Variants in EHMT1 observed in about 807,000 individuals in gnomAD.
The protein encoded by EHMT1 is euchromatic histone lysine methyltransferase 1.
In EHMT1, 15 loss-of-function variants were observed where a neutral mutation model predicts 147.2. The observed-to-expected ratio is 0.10, with a 90% CI of 0.07 to 0.16. The LOEUF is 0.16. Among genes scored for constraint, EHMT1 ranks in the 10% least tolerant of loss-of-function variants. EHMT1 has a pLI of 1.00. For synonymous variants in EHMT1, 795 were observed against 709.6 expected (o/e 1.12, Z -1.91); for missense variants, 1,587 against 1,772.4 (o/e 0.90, Z 1.88).
chr9:137,813,140 A>ACAGGCC lies in EHMT1; in HGVS notation c.3006_3011dup (p.Arg1002_Pro1003dup). On this transcript the variant is annotated inframe_insertion, in exon 20 of 27. Transcript: ENST00000460843. This position sits in a 1 kb window ranked among gnomAD's most constrained non-coding sequence, Gnocchi z 4.9. ...AAGGCTCTGCAGGACTCGGCCCCCG[A>ACAGGCC]CAGGCCCAGCCCCGTGGAGAGGATA... The ACAGGCC allele has an allele frequency of 1.2e-6, 2 of 1,611,842 alleles. No individual in the cohort carries two copies. The highest frequency in any genetic ancestry group is 1.7e-6 in the Non-Finnish European group (2 of 1,179,988).
At chr9:137,637,293 A>T (rs1844154859) in intron 1 of EHMT1, among the ~76,000 whole-genome samples, 4 of 152,070 alleles carry the variant, frequency 2.6e-5, no homozygotes, top group Admixed American at 2.6e-4. Context: ...CTCCTGCCTC[A>T]GCCTCCCGAG....
At chr9:137,814,208 C>T (rs1374878788) in intron 21 of EHMT1, 2 of 634,842 alleles carry the variant, frequency 3.2e-6, no homozygotes, top group Non-Finnish European at 2.9e-6. Context: ...TGCCTGCCCC[C>T]TGTCCCTCTG....
chr9:137,798,051 C>T (rs1251460262), intron 16 of EHMT1, among the ~76,000 whole-genome samples: 4 of 152,168 alleles, frequency 2.6e-5, no homozygotes, highest in African/African-American at 9.7e-5. Context: ...ATTTGGTCTC[C>T]TCAGGGAAAC....
rs150368660 is a variant in EHMT1, at chr9:137,715,295, T to A, written c.86-1331T>A. 2.4e-4 allele frequency among the ~76,000 whole-genome samples: 37 copies of A among 152,364 alleles called. 1 individual carries two copies. In the East Asian group the frequency reaches 6.4e-3, roughly 26 times the overall value. On this transcript the variant is annotated intron_variant, in intron 2 of 26. Coordinates refer to ENST00000460843, the MANE Select transcript of EHMT1 (RefSeq NM_024757.5). Reference sequence around the variant, plus strand: ...TTACATATACATCTGCTGCAGGATTTGGTATGAGGAAGTTTCCACTTACTC... The same window carrying A: ...TTACATATACATCTGCTGCAGGATTAGGTATGAGGAAGTTTCCACTTACTC...
At chr9:137,677,910 G>T (rs1168024341) in intron 1 of EHMT1, among the ~76,000 whole-genome samples, 1 of 140,172 alleles carries the variant, frequency 7.1e-6, no homozygotes, top group Non-Finnish European at 1.6e-5. Context: ...TACAAAAAAA[G>T]AAAAAAAAAA....
intron 14 of EHMT1, among the ~76,000 whole-genome samples, chr9:137,781,676 T>C (rs1281481050): frequency 6.6e-6 from 1 of 152,246 alleles, no homozygotes; most frequent in Non-Finnish European, 1.5e-5. Flanking sequence ...AGCTTTAGGC[T>C]TGATTTCTCT....
chr9:137,670,240 G>T (rs1484851681), intron 1 of EHMT1, among the ~76,000 whole-genome samples: 1 of 152,116 alleles, frequency 6.6e-6, no homozygotes. Flanking sequence ...CTCCTCCAAA[G>T]ATTTGTGTTT....
At chr9:137,751,343 CAG>C (rs1024694369) in intron 6 of EHMT1, among the ~76,000 whole-genome samples, 2 of 152,252 alleles carry the variant, frequency 1.3e-5, no homozygotes, top group South Asian at 2.1e-4. Flanking sequence ...ACAGGAAAAA[CAG>C]GGGTCTCGCT....
chr9:137,823,450 C>T (rs768094154), intron 25 of EHMT1: 3 of 360,666 alleles, frequency 8.3e-6, no homozygotes, highest in Non-Finnish European at 1.6e-5. Flanking sequence ...CTGGCTCTGT[C>T]ACCCAGGCTG....
rs779595235 is a variant in EHMT1, at chr9:137,757,920, G to T, written c.1410G>T (p.Gln470His). The change falls in exon 9 of 27, where the codon CAG becomes CAT. Residue 470 changes from glutamine (Q) to histidine (H), a missense_variant. By Grantham distance (24) the Gln-to-His change is conservative (BLOSUM62 0). Around this residue, in one of 7 missense-constraint regions of EHMT1, gnomAD observed 810 missense variants for 673.0 expected, o/e 1.20. Transcript: ENST00000460843. ...SYKSSAGSAE[Q>H]TAPGDSTGYM... ...AGTCATCTGCAGGAAGCGCTGAGCA[G>T]ACGGCACCAGGAGACAGCACAGGGT... 4 of 1,614,158 alleles carry T rather than the reference G, an allele frequency of 2.5e-6. No individual in the cohort carries two copies. The highest frequency in any genetic ancestry group is 1.7e-5 in the Admixed American group (1 of 60,022).
In EHMT1 at chr9:137,678,071, AAAT is replaced by A. The variant is rs71387855; in HGVS notation, c.22-32877_22-32875del. Among the ~76,000 whole-genome samples the A allele has an allele frequency of 1.6e-4, 25 of 151,900 alleles. No homozygotes were observed. The East Asian group carries it at 1.9e-3, about 12-fold the overall frequency. On this transcript the variant is annotated intron_variant, in intron 1 of 26. Coordinates refer to ENST00000460843, the MANE Select transcript of EHMT1 (RefSeq NM_024757.5). Reference sequence around the variant, plus strand: ...GCGACAGAGCGAGACTCCGTCTCAAAAATAATAATAATAATAATAATGTTGTCA... The same window carrying A: ...GCGACAGAGCGAGACTCCGTCTCAAAAATAATAATAATAATAATGTTGTCA...
intron 1 of EHMT1, among the ~76,000 whole-genome samples, chr9:137,625,679 C>T (rs563486369): frequency 2.6e-5 from 4 of 151,994 alleles, no homozygotes; most frequent in East Asian, 1.9e-4. Context: ...TCTCCTTTTC[C>T]GTTTCCTTTA....
chr9:137,793,131 A>G (rs1442089342), intron 16 of EHMT1, among the ~76,000 whole-genome samples: 2 of 152,256 alleles, frequency 1.3e-5, no homozygotes, highest in East Asian at 1.9e-4. Flanking sequence ...ATCAAAGATC[A>G]TGACCAATAG....
At chr9:137,748,512 G>A (rs898414857) in intron 6 of EHMT1, among the ~76,000 whole-genome samples, 4 of 152,108 alleles carry the variant, frequency 2.6e-5, no homozygotes, top group Non-Finnish European at 4.4e-5. Flanking sequence ...GAACGGAACC[G>A]CCATGCCTTG....
At chr9:137,742,056 A>G (rs1046996822) in intron 4 of EHMT1, among the ~76,000 whole-genome samples, 10 of 152,170 alleles carry the variant, frequency 6.6e-5, no homozygotes, top group African/African-American at 2.4e-4. Context: ...GACAGAGCCA[A>G]GTGTCTGCAT....
intron 25 of EHMT1, among the ~76,000 whole-genome samples, chr9:137,820,655 AG>A (rs1487342803): frequency 6.6e-6 from 1 of 152,122 alleles, no homozygotes; most frequent in East Asian, 1.9e-4. Flanking sequence ...GTGTGATGTA[AG>A]ATCAGACTCA....
intron 1 of EHMT1, among the ~76,000 whole-genome samples, chr9:137,690,147 G>A (rs1352160261): frequency 6.6e-6 from 1 of 152,196 alleles, no homozygotes; most frequent in Non-Finnish European, 1.5e-5. Flanking sequence ...GGCAGGCAGT[G>A]TTGCTGGTGT....
At chr9:137,694,090 A>G (rs1943176476) in intron 1 of EHMT1, among the ~76,000 whole-genome samples, 1 of 52,822 alleles carries the variant, frequency 1.9e-5, no homozygotes, top group Admixed American at 2.3e-4. Context: ...TACCCCCCAC[A>G]CAGTGGCTCA....
At chr9:137,621,748 C>T (rs1191525327) in intron 1 of EHMT1, among the ~76,000 whole-genome samples, 1 of 152,140 alleles carries the variant, frequency 6.6e-6, no homozygotes, top group Non-Finnish European at 1.5e-5. Context: ...CCTAGGGTTC[C>T]TTTGACTCAA....
Sources: gnomAD v4.1 joint callset for allele counts (sites outside exome capture counted in the v4.1 genomes callset) on GRCh38, gnomAD v4.1.1 for gene constraint, gnomAD v4.1.1 regional missense constraint, Gnocchi (gnomAD v3.1) non-coding constraint, MANE v1.5 for transcripts, NCBI Gene and HGNC (gene_info 2026-07-23, HGNC 2026-07-21) for gene names.